Variants in CDHR2 observed in about 807,000 individuals in gnomAD.
The protein encoded by CDHR2 is cadherin related family member 2.
CDHR2 carries 104 observed loss-of-function variants against 138.6 expected under a neutral mutation model. The ratio of observed to expected loss-of-function variants is 0.75; its 90% confidence interval spans 0.64 to 0.88. The LOEUF is 0.88. Ranked by LOEUF, CDHR2 falls within the 40% of genes least tolerant of loss-of-function variation. The pLI is 0.00. For missense variants in CDHR2, 1,624 were observed against 1,727.6 expected (o/e 0.94, Z 1.06); for synonymous variants, 755 against 742.8 (o/e 1.02, Z -0.27).
rs1758474669 is a variant in CDHR2 at position 176,579,362 on chromosome 5, C to CATT, written c.1818+755_1818+756insTTA. Among the ~76,000 whole-genome samples, 42 of 152,238 alleles carry CATT rather than the reference C, an allele frequency of 2.8e-4. 1 individual carries two copies. The highest frequency in any genetic ancestry group is 2.7e-3 in the Admixed American group (42 of 15,282). ...CTAATAGTTCCCATTTCTCAGGAGA[C>CATT]AACAGGCTCAGAAAGGTTAAGTGAT... On this transcript the variant is annotated intron_variant, in intron 16 of 31. Transcript: ENST00000261944.
At position 176,591,483 on chromosome 5, in the gene CDHR2, A is replaced by G; in HGVS notation, c.3733A>G (p.Ser1245Gly). 2 of 1,611,884 alleles carry G rather than the reference A, an allele frequency of 1.2e-6. No individual in the cohort carries two copies. The highest frequency in any genetic ancestry group is 8.5e-7 in the Non-Finnish European group (1 of 1,178,200). ...TCCCTCCAATGACCTGGACTCTGTC[A>G]GGTGAGCAGTGCCCCTCACAGCCAG... is the stretch of plus-strand genomic sequence containing the variant. Reference protein sequence around the residue: ...LSPSNDLDSVSVNSLDDNSVD... With the variant: ...LSPSNDLDSVGVNSLDDNSVD... Residue 1245 changes from serine (S) to glycine (G), a missense_variant and splice_region_variant, in exon 30 of 32, where the codon AGC becomes GGC. Physicochemically the swap from Ser to Gly is moderately conservative, Grantham distance 56 (BLOSUM62 0). Transcript: ENST00000261944.
chr5:176,584,638 A>AG lies in CDHR2; in HGVS notation c.2363dup (p.Glu789Ter). Reference sequence around the variant, plus strand: ...GTGAGTGCTGAGAACCCAGACCCCCAGGGGGGTGAGACCATAGTAGACGTC... The same window carrying AG: ...GTGAGTGCTGAGAACCCAGACCCCCAGGGGGGGTGAGACCATAGTAGACGTC... On this transcript the variant is annotated frameshift_variant, in exon 19 of 32. Transcript: ENST00000261944. LOFTEE classifies it high-confidence loss of function. The AG allele has an allele frequency of 6.2e-7, 1 of 1,611,456 alleles. No homozygotes were observed.
intron 1 of CDHR2, among the ~76,000 whole-genome samples, chr5:176,557,009 TCTCTCTC>T (rs1757845805): frequency 5.7e-5 from 2 of 34,940 alleles, no homozygotes; most frequent in South Asian, 1.6e-3. Context: ...TTTCTCTCTC[TCTCTCTC>T]TTTTTTTTTT....
chr5:176,591,960 G>A (rs993567322), intron 30 of CDHR2, among the ~76,000 whole-genome samples: 1 of 16,194 alleles, frequency 6.2e-5, no homozygotes, highest in Non-Finnish European at 1.0e-4. Flanking sequence ...TGATGATGAC[G>A]GTGGTGGTGG....
At position 176,543,157 on chromosome 5, in the gene CDHR2, A is replaced by G. The variant is rs1156675313; in HGVS notation, c.-16+388A>G. Among the ~76,000 whole-genome samples, 1 of 149,320 alleles carries G rather than the reference A, an allele frequency of 6.7e-6. No individual in the cohort carries two copies. Among genetic ancestry groups the G allele is most frequent in the East Asian group, 2.0e-4 (1 of 5,054 alleles). ...GCGCCGGCAGAGGCCTGGCGGGAAG[A>G]CCCCGCGTGCGTTCCTCCGCCGGCC... On this transcript the variant is annotated intron_variant, in intron 1 of 31. Transcript: ENST00000510636. The surrounding 1 kb of genome is among the most constrained non-coding windows in gnomAD (Gnocchi z 4.0).
At chr5:176,577,304 G>A (rs1346826683) in intron 12 of CDHR2, 95 bp from the exon 13 acceptor site, 3 of 1,348,448 alleles carry the variant, frequency 2.2e-6, no homozygotes, top group African/African-American at 2.9e-5. Context: ...ACCTCATCGG[G>A]CGGGGCATCC....
chr5:176,571,096 G>T, intron 5 of CDHR2, 117 bp from the exon 6 acceptor site: 3 of 350,158 alleles, frequency 8.6e-6, no homozygotes, highest in Non-Finnish European at 1.7e-5. Context: ...GAGAGAAAGA[G>T]AGACCAAACA....
intron 3 of CDHR2, among the ~76,000 whole-genome samples, chr5:176,566,199 A>G (rs12518379): frequency 0.19 from 29,047 of 151,808 alleles, 3,205 homozygotes; most frequent in East Asian, 0.48. Context: ...CTTTCTGTCT[A>G]TGGCAGGTGA....
intron 5 of CDHR2, 91 bp from the exon 6 acceptor site, chr5:176,571,122 T>A: frequency 1.4e-6 from 1 of 732,290 alleles, no homozygotes; most frequent in Non-Finnish European, 2.4e-6. Context: ...TTGATCTGGA[T>A]GAAGGACACC....
At chr5:176,594,371 C>T (rs904416633) in intron 31 of CDHR2, among the ~76,000 whole-genome samples, 22 of 152,190 alleles carry the variant, frequency 1.4e-4, no homozygotes, top group Admixed American at 6.5e-4. Flanking sequence ...CAGGTGGATC[C>T]TTTTCCCAGG....
At position 176,591,342 on chromosome 5, in the gene CDHR2, G is replaced by C; in HGVS notation, c.3653+19G>C. The C allele has an allele frequency of 1.2e-6, 2 of 1,610,862 alleles. No individual in the cohort carries two copies. The highest frequency in any genetic ancestry group is 2.2e-5 in the South Asian group (2 of 91,030). On this transcript the variant is annotated intron_variant, in intron 29 of 31. Transcript: ENST00000261944. ...CTGAGCGGTGAGCAGGGGTCAAAGG[G>C]TAGGTAAGAGGCCTGGTGGGGTGGC... is the stretch of plus-strand genomic sequence containing the variant.
At chr5:176,586,591 G>A in intron 20 of CDHR2, 1 of 579,566 alleles carries the variant, frequency 1.7e-6, no homozygotes, top group South Asian at 2.2e-5. Flanking sequence ...TGGTCCTGTG[G>A]GCCTGTGACC....
At chr5:176,595,393 G>C (rs1210894224) in intron 31 of CDHR2, 139 bp from the exon 32 acceptor site, 1 of 903,874 alleles carries the variant, frequency 1.1e-6, no homozygotes, top group Non-Finnish European at 1.6e-6. Flanking sequence ...GCCTGGACCA[G>C]AGGCCCCAGG....
chr5:176,595,484 C>T (rs763164712), intron 31 of CDHR2, 48 bp from the exon 32 acceptor site: 11 of 1,519,012 alleles, frequency 7.2e-6, no homozygotes, highest in Admixed American at 6.0e-5. Flanking sequence ...CTGGGGCACT[C>T]GCCCCACCTT....
rs763416753 is a variant in CDHR2 at position 176,565,774 on chromosome 5, T to C, written c.124+31T>C. The C allele has an allele frequency of 1.6e-5, 25 of 1,587,830 alleles. No homozygotes were observed. The South Asian group carries it at 2.6e-4, about 16-fold the overall frequency. The stretch of plus-strand genomic sequence containing the variant: ...TCCCGGTCCCTGTGTCTGCCCCATG[T>C]CAGGTCCTGACCCACAGGAAAGTCC... On this transcript the variant is annotated intron_variant, in intron 3 of 31. Transcript: ENST00000261944.
chr5:176,576,373 C>T lies in CDHR2; in HGVS notation c.1194+188C>T, dbSNP rs147281309. ...AAGCAGTATCATCCTCTGGGCGATC[C>T]GTGTGGGGCTGAATAGAAGGCCATG... On this transcript the variant is annotated intron_variant, in intron 12 of 31. Transcript: ENST00000261944. This position sits in a 1 kb window ranked among gnomAD's most constrained non-coding sequence, Gnocchi z 4.5. Among the ~76,000 whole-genome samples, 26 of 152,066 alleles carry T rather than the reference C, an allele frequency of 1.7e-4. No homozygotes were observed. Among genetic ancestry groups the T allele is most frequent in the African/African-American group, 5.5e-4 (23 of 41,476 alleles).
intron 17 of CDHR2, among the ~76,000 whole-genome samples, chr5:176,583,865 G>A (rs534772770): frequency 6.6e-4 from 101 of 152,212 alleles, no homozygotes; most frequent in Non-Finnish European, 1.1e-3. Context: ...AGGCAGGGTC[G>A]CAGGTGGGGA....
chr5:176,590,419 G>A lies in CDHR2; in HGVS notation c.3354-6G>A. ...CCCTCGGGCCTAAGTGGAGTTCTGT[G>A]GCCAGGATGATCCGGAATGATCAGG... On this transcript the variant is annotated splice_polypyrimidine_tract_variant and splice_region_variant and intron_variant, in intron 26 of 31. Transcript: ENST00000261944. 6.2e-7 allele frequency: 1 copy of A among 1,614,102 alleles called. No homozygotes were observed. The highest frequency in any genetic ancestry group is 1.6e-4 in the Middle Eastern group (1 of 6,062).
intron 7 of CDHR2, among the ~76,000 whole-genome samples, chr5:176,574,718 A>G (rs1012048577): frequency 6.6e-6 from 1 of 152,222 alleles, no homozygotes. Flanking sequence ...TAACTATAGC[A>G]TGTTATGCTA....
Sources: allele counts gnomAD v4.1 joint callset (sites outside exome capture counted in the v4.1 genomes callset), GRCh38; gene constraint gnomAD v4.1.1; non-coding constraint Gnocchi (gnomAD v3.1); transcripts MANE v1.5; gene names NCBI Gene and HGNC (gene_info 2026-07-23, HGNC 2026-07-21).